BTBD9: variants seen among roughly 807,000 people sequenced by gnomAD.
BTBD9 encodes the protein BTB/POZ domain-containing protein 9.
BTBD9 carries 49 observed loss-of-function variants against 64.3 expected under a neutral mutation model. That is an observed-to-expected ratio of 0.76 (90% CI 0.61 to 0.97). BTBD9 has a LOEUF of 0.97. Among genes scored for constraint, BTBD9 ranks in the 50% least tolerant of loss-of-function variants. The pLI is 0.00. For synonymous variants in BTBD9, 260 were observed against 274.7 expected (o/e 0.95, Z 0.53); for missense variants, 598 against 762.1 (o/e 0.78, Z 2.53).
intron 6 of BTBD9, among the ~76,000 whole-genome samples, chr6:38,549,615 A>C (rs2127445955): frequency 6.6e-6 from 1 of 152,346 alleles, no homozygotes; most frequent in East Asian, 1.9e-4. Context: ...GGTAATAACA[A>C]GGTTTCTGCA....
At chr6:38,494,035 C>G (rs545945113) in intron 6 of BTBD9, among the ~76,000 whole-genome samples, 1 of 152,132 alleles carries the variant, frequency 6.6e-6, no homozygotes, top group Non-Finnish European at 1.5e-5. Flanking sequence ...ACTGATTTGG[C>G]ATTACAAGAA....
intron 9 of BTBD9, among the ~76,000 whole-genome samples, chr6:38,244,200 A>C (rs2127526530): frequency 6.6e-6 from 1 of 152,300 alleles, no homozygotes; most frequent in East Asian, 1.9e-4. Context: ...CCTTGGGATC[A>C]TGTGACTGAC....
chr6:38,363,261 C>G lies in BTBD9; in HGVS notation c.1155-18168G>C, dbSNP rs188686966. ...GCACCACTGCACTGGCCAACATCAA[C>G]TTTTTACAACATTTCTCTAGGCTGG... On this transcript the variant is annotated intron_variant, in intron 6 of 10. Coordinates refer to ENST00000481247, the MANE Select transcript of BTBD9 (RefSeq NM_001099272.2). Among the ~76,000 whole-genome samples, 490 of 152,118 alleles carry G rather than the reference C, an allele frequency of 3.2e-3. 5 individuals carry two copies. Among genetic ancestry groups the G allele is most frequent in the South Asian group, 6.3e-3 (30 of 4,796 alleles).
chr6:38,238,752 C>T (rs990200081), intron 9 of BTBD9, among the ~76,000 whole-genome samples: 5 of 151,976 alleles, frequency 3.3e-5, no homozygotes, highest in African/African-American at 7.2e-5. Context: ...GGATTACAGG[C>T]GTGAGCCACC....
In BTBD9 at chr6:38,477,306, C is replaced by T. The variant is rs537426902; in HGVS notation, c.1154+100294G>A. 5.9e-5 allele frequency among the ~76,000 whole-genome samples: 9 copies of T among 152,314 alleles called. No homozygotes were observed. The South Asian group carries it at 1.0e-3, about 18-fold the overall frequency. The stretch of plus-strand genomic sequence containing the variant: ...AAGACATTTTATTAGAGACTAAGAG[C>T]GATTCACTTCAACTAAGTGTTACCT... On this transcript the variant is annotated intron_variant, in intron 6 of 10. Transcript: ENST00000481247.
chr6:38,372,142 A>G (rs190031978), intron 6 of BTBD9, among the ~76,000 whole-genome samples: 1 of 152,340 alleles, frequency 6.6e-6, no homozygotes, highest in East Asian at 1.9e-4. Context: ...TGTGCCAACA[A>G]TGAAACCAAT....
chr6:38,626,410 C>G (rs1463009938), intron 1 of BTBD9, among the ~76,000 whole-genome samples: 1 of 152,042 alleles, frequency 6.6e-6, no homozygotes, highest in Non-Finnish European at 1.5e-5. Flanking sequence ...CTTATTCATT[C>G]TTTTTTGCTT....
At chr6:38,252,005 T>C (rs571822766) in intron 9 of BTBD9, among the ~76,000 whole-genome samples, 5 of 152,154 alleles carry the variant, frequency 3.3e-5, no homozygotes, top group African/African-American at 1.2e-4. Context: ...AATTAGTCAC[T>C]ATAAAAATGG....
chr6:38,242,163 T>C (rs796655141), intron 9 of BTBD9, among the ~76,000 whole-genome samples: 5 of 152,324 alleles, frequency 3.3e-5, no homozygotes, highest in East Asian at 3.9e-4. Context: ...TGTACCTTTA[T>C]GTGATTTTAA....
chr6:38,193,334 A>T (rs1762161261), intron 9 of BTBD9, among the ~76,000 whole-genome samples: 1 of 151,728 alleles, frequency 6.6e-6, no homozygotes, highest in Non-Finnish European at 1.5e-5. Context: ...CCACCCTCTG[A>T]CCCCACCATG....
chr6:38,473,806 G>A (rs1376998875), intron 6 of BTBD9, among the ~76,000 whole-genome samples: 1 of 152,152 alleles, frequency 6.6e-6, no homozygotes, highest in Non-Finnish European at 1.5e-5. Context: ...TACTTGGTAT[G>A]GAGGAATTAA....
chr6:38,592,772 T>C lies in BTBD9; in HGVS notation c.618A>G (p.Leu206=), dbSNP rs1582687404. 6.2e-7 allele frequency: 1 copy of C among 1,614,054 alleles called. No homozygotes were observed. The highest frequency in any genetic ancestry group is 1.7e-5 in the Admixed American group (1 of 60,012). Residue 206 remains leucine (L), a synonymous_variant, in exon 4 of 11, where the codon TTA becomes TTG. Transcript: ENST00000481247. ...TTGAATTGTGCTTACACCAGTTTAA[T>C]AAGGCTAGGAAAATATCTTTTTCGG... is the stretch of plus-strand genomic sequence containing the variant. ...AAPEKDIFLA[L]LNWCKHNSKE...
At chr6:38,633,033 G>A (rs745658085) in intron 1 of BTBD9, among the ~76,000 whole-genome samples, 4 of 152,172 alleles carry the variant, frequency 2.6e-5, no homozygotes, top group Non-Finnish European at 5.9e-5. Flanking sequence ...AATACAGCAC[G>A]TCTTCATAGG....
intron 9 of BTBD9, among the ~76,000 whole-genome samples, chr6:38,226,784 T>A (rs1445001737): frequency 6.6e-6 from 1 of 152,222 alleles, no homozygotes; most frequent in African/African-American, 2.4e-5. Context: ...CTCACAGAGT[T>A]ACCTCCACTG....
chr6:38,360,158 A>T (rs1764892718), intron 6 of BTBD9, among the ~76,000 whole-genome samples: 1 of 152,178 alleles, frequency 6.6e-6, no homozygotes, highest in Non-Finnish European at 1.5e-5. Flanking sequence ...TACCAGAAAG[A>T]GCAATTTGGT....
intron 6 of BTBD9, among the ~76,000 whole-genome samples, chr6:38,520,331 C>T (rs905887273): frequency 2.0e-5 from 3 of 152,106 alleles, no homozygotes; most frequent in Admixed American, 6.5e-5. Context: ...TGTGGTGACA[C>T]GCATCTGTCG....
intron 6 of BTBD9, among the ~76,000 whole-genome samples, chr6:38,439,639 C>T (rs1457794435): frequency 6.6e-6 from 1 of 152,104 alleles, no homozygotes; most frequent in Non-Finnish European, 1.5e-5. Flanking sequence ...GTTGGCCAGG[C>T]TGGTTTCAAA....
chr6:38,357,575 C>T (rs994098550), intron 6 of BTBD9, among the ~76,000 whole-genome samples: 1 of 152,186 alleles, frequency 6.6e-6, no homozygotes, highest in Non-Finnish European at 1.5e-5. Flanking sequence ...GCTCCACTCT[C>T]CCCATCCCTT....
intron 6 of BTBD9, among the ~76,000 whole-genome samples, chr6:38,403,674 C>A (rs988628256): frequency 6.6e-6 from 1 of 152,112 alleles, no homozygotes; most frequent in Non-Finnish European, 1.5e-5. Flanking sequence ...TCTGGCAGAT[C>A]GTCAAAAAGT....
Sources: gnomAD v4.1 joint callset for allele counts (sites outside exome capture counted in the v4.1 genomes callset) on GRCh38, gnomAD v4.1.1 for gene constraint, MANE v1.5 for transcripts, NCBI Gene and HGNC (gene_info 2026-07-23, HGNC 2026-07-21) for gene names.